Variants in KATNIP observed in about 807,000 individuals in gnomAD.
KATNIP encodes katanin-interacting protein.
In KATNIP, 126 loss-of-function variants were observed where a neutral mutation model predicts 174.0. That is an observed-to-expected ratio of 0.72 (90% CI 0.63 to 0.84). The LOEUF (loss-of-function observed/expected upper bound fraction) is 0.84. KATNIP is among the 40% of genes least tolerant of loss of function. The pLI is 0.00. For missense variants in KATNIP, 1,958 were observed against 2,109.7 expected (o/e 0.93, Z 1.41); for synonymous variants, 810 against 835.7 (o/e 0.97, Z 0.53).
In KATNIP at chr16:27,751,740, C is replaced by T. The variant is rs772678232; in HGVS notation, c.3368C>T (p.Thr1123Met). The change falls in exon 17 of 28, where the codon ACG (threonine) becomes ATG (methionine). Residue 1123 changes from threonine (T) to methionine (M), a missense_variant. This residue lies in a region of KATNIP where 1,557 missense variants were observed against 1,617.8 expected (regional missense o/e 0.96). Coordinates refer to ENST00000261588, the MANE Select transcript of KATNIP (RefSeq NM_015202.5). ...LAGAPEHFGD[T>M]ILFTTDDDIL... is the part of the protein sequence containing the mutation. Reference sequence around the variant, plus strand: ...TTAGCCCCAGAGCACTTTGGAGACACGATCTTATTCACAACCGATGATGAC... The same window carrying T: ...TTAGCCCCAGAGCACTTTGGAGACATGATCTTATTCACAACCGATGATGAC... The T allele has an allele frequency of 6.2e-6, 10 of 1,614,088 alleles. No individual in the cohort carries two copies. The highest frequency in any genetic ancestry group is 8.5e-6 in the Non-Finnish European group (10 of 1,180,040).
intron 19 of KATNIP, among the ~76,000 whole-genome samples, chr16:27,763,441 TA>T (rs35206356): frequency 0.036 from 2,462 of 68,178 alleles, 58 homozygotes; most frequent in African/African-American, 0.12. Context: ...ATTGTGTCTC[TA>T]AAAAAAAAAA....
At chr16:27,585,263 TCAAAAGACAGGCAAAAACAA>T (rs554661364) in intron 2 of KATNIP, among the ~76,000 whole-genome samples, 1,830 of 152,288 alleles carry the variant, frequency 0.012, 50 homozygotes, top group African/African-American at 0.041. Context: ...TGGCTTTTAT[TCAAAAGACAGGCAAAAACAA>T]ATACTGGCGA....
intron 8 of KATNIP, 147 bp from the exon 9 acceptor site, chr16:27,698,181 G>A (rs1322906950): frequency 9.3e-6 from 8 of 858,172 alleles, no homozygotes; most frequent in South Asian, 4.0e-5. Flanking sequence ...ATCTGGAACC[G>A]TTTTCTTTGT....
At chr16:27,644,327 T>C (rs1213336655) in intron 5 of KATNIP, 1 of 151,516 alleles carries the variant, frequency 6.6e-6, no homozygotes, top group East Asian at 2.0e-4. Flanking sequence ...CAGCCAAAGA[T>C]GTAATCTTGA....
At chr16:27,721,500 T>TA in intron 13 of KATNIP, 58 bp from the exon 14 acceptor site, 1 of 1,608,444 alleles carries the variant, frequency 6.2e-7, no homozygotes, top group East Asian at 2.2e-5. Context: ...GCTGCCATTT[T>TA]ACTTTGGGGA....
chr16:27,619,759 T>C (rs1045659413), intron 3 of KATNIP, among the ~76,000 whole-genome samples: 5 of 152,098 alleles, frequency 3.3e-5, no homozygotes, highest in African/African-American at 1.2e-4. Flanking sequence ...CTGGTAGAGA[T>C]CTTCGGAACA....
rs1404089116 is a variant in KATNIP at position 27,618,514 on chromosome 16, A to T, written c.140+13A>T. 2 of 1,577,324 alleles carry T rather than the reference A, an allele frequency of 1.3e-6. No homozygotes were observed. Among genetic ancestry groups the T allele is most frequent in the African/African-American group, 1.3e-5 (1 of 74,158 alleles). On this transcript the variant is annotated intron_variant, in intron 3 of 27. Coordinates refer to ENST00000261588, the MANE Select transcript of KATNIP (RefSeq NM_015202.5). Reference sequence around the variant, plus strand: ...AGCAGAGGAACCGGTAAGAGAAGCCACTCGACGGCAGCCCTTGATATTAGC... The same window carrying T: ...AGCAGAGGAACCGGTAAGAGAAGCCTCTCGACGGCAGCCCTTGATATTAGC...
rs1458716920 is a variant in KATNIP, at chr16:27,699,551, A to G, written c.1131A>G (p.Pro377=). ...CCTTCCAGGATGCAGAAGGACCACC[A>G]GCAAAACCATGGACCAGTCTGCTGG... ...ASPLQDAEGP[P]AKPWTSLLEE... is the part of the protein sequence containing the mutation. Residue 377 remains proline, a synonymous_variant, in exon 10 of 28, where the codon CCA becomes CCG. Coordinates refer to ENST00000261588, the MANE Select transcript of KATNIP (RefSeq NM_015202.5). The G allele has an allele frequency of 1.2e-6, 2 of 1,614,082 alleles. No homozygotes were observed. Among genetic ancestry groups the G allele is most frequent in the African/African-American group, 2.7e-5 (2 of 74,946 alleles).
chr16:27,670,539 T>C (rs1241971868), intron 6 of KATNIP, among the ~76,000 whole-genome samples: 1 of 152,218 alleles, frequency 6.6e-6, no homozygotes, highest in Non-Finnish European at 1.5e-5. Context: ...GTGTGTTACT[T>C]TCCAGTCTGG....
chr16:27,680,732 G>A (rs549518596), intron 7 of KATNIP, among the ~76,000 whole-genome samples: 1 of 152,214 alleles, frequency 6.6e-6, no homozygotes, highest in Non-Finnish European at 1.5e-5. Context: ...GTCTTGCTCT[G>A]CCCCCCAGGC....
intron 2 of KATNIP, among the ~76,000 whole-genome samples, chr16:27,594,101 A>C (rs1596841294): frequency 6.6e-6 from 1 of 152,052 alleles, no homozygotes; most frequent in Non-Finnish European, 1.5e-5. Flanking sequence ...CAAAAAAAAA[A>C]AACTAAAAAT....
chr16:27,681,608 C>T (rs567857961), intron 8 of KATNIP, 78 bp downstream of exon 8: 31 of 1,537,926 alleles, frequency 2.0e-5, no homozygotes, highest in Admixed American at 2.0e-4. Context: ...GATGGGAGGC[C>T]GCACTTCATT....
chr16:27,589,748 T>C (rs1366716807), intron 2 of KATNIP, among the ~76,000 whole-genome samples: 1 of 152,166 alleles, frequency 6.6e-6, no homozygotes, highest in East Asian at 1.9e-4. Context: ...TATTCTGCCC[T>C]TCAGCATGTT....
intron 2 of KATNIP, among the ~76,000 whole-genome samples, chr16:27,613,594 G>A: frequency 6.6e-6 from 1 of 152,226 alleles, no homozygotes; most frequent in East Asian, 1.9e-4. Context: ...AGCAGCATCT[G>A]TGTTCTGGGA....
At chr16:27,566,040 T>TA (rs1482467517) in intron 1 of KATNIP, among the ~76,000 whole-genome samples, 1 of 149,522 alleles carries the variant, frequency 6.7e-6, no homozygotes, top group African/African-American at 2.5e-5. Context: ...TTTTTTTTTT[T>TA]AAGAGATGGA....
At chr16:27,742,019 C>G (rs1332393703) in intron 15 of KATNIP, among the ~76,000 whole-genome samples, 1 of 148,956 alleles carries the variant, frequency 6.7e-6, no homozygotes, top group Non-Finnish European at 1.5e-5. Context: ...TATTTTTAAA[C>G]TACTGTATAT....
At chr16:27,750,974 C>T (rs890436233) in intron 16 of KATNIP, among the ~76,000 whole-genome samples, 1 of 151,990 alleles carries the variant, frequency 6.6e-6, no homozygotes, top group Non-Finnish European at 1.5e-5. Flanking sequence ...GTGATCCACC[C>T]ACCTTGGCCT....
chr16:27,677,686 G>C (rs2078173164), intron 6 of KATNIP, 43 bp from the exon 7 acceptor site: 2 of 1,548,832 alleles, frequency 1.3e-6, no homozygotes, highest in East Asian at 2.3e-5. Flanking sequence ...TTTTTCTCAA[G>C]GTACCATATT....
intron 5 of KATNIP, chr16:27,631,389 T>G (rs552875113): frequency 2.0e-6 from 1 of 492,956 alleles, no homozygotes; most frequent in East Asian, 3.3e-5. Flanking sequence ...AAAATAAAAA[T>G]AAAAAATTCG....
Sources: gnomAD v4.1 joint callset for allele counts (sites outside exome capture counted in the v4.1 genomes callset) on GRCh38, gnomAD v4.1.1 for gene constraint, gnomAD v4.1.1 regional missense constraint, MANE v1.5 for transcripts, NCBI Gene and HGNC (gene_info 2026-07-23, HGNC 2026-07-21) for gene names.